Variants in NBAS observed in about 807,000 individuals in gnomAD.
NBAS encodes NAG/BC035112 fusion.
Under a neutral mutation model 302.5 loss-of-function variants are expected in NBAS, and 219 were observed. That is an observed-to-expected ratio of 0.72 (90% CI 0.65 to 0.81). The LOEUF (loss-of-function observed/expected upper bound fraction) is 0.81. Among genes scored for constraint, NBAS ranks in the 30% least tolerant of loss-of-function variants. The probability of loss-of-function intolerance (pLI) is 0.00; values close to 1 mark genes in which losing one functional copy is unlikely to be tolerated. For missense variants in NBAS, 2,932 were observed against 2,841.6 expected (o/e 1.03, Z -0.72); for synonymous variants, 1,118 against 1,021.6 (o/e 1.09, Z -1.80).
At chr2:15,190,604 C>G (rs1223338621) in intron 48 of NBAS, among the ~76,000 whole-genome samples, 1 of 152,198 alleles carries the variant, frequency 6.6e-6, no homozygotes, top group Non-Finnish European at 1.5e-5. Context: ...GAACTACAAT[C>G]AGAGGAAGGT....
At chr2:15,536,699 T>A (rs1663536703) in intron 7 of NBAS, 148 bp from the exon 8 acceptor site, 2 of 794,380 alleles carry the variant, frequency 2.5e-6, no homozygotes, top group South Asian at 1.8e-5. Context: ...TCAAGAATCA[T>A]GCAAGTCAGA....
At position 15,401,760 on chromosome 2, in the gene NBAS, G is replaced by A. The variant is rs987353474; in HGVS notation, c.3071+408C>T. ...TAGGTACATTCACTACTTAAAAGAA[G>A]TACTATAGGCAAAGGCCAAGAAGAA... On this transcript the variant is annotated intron_variant, in intron 26 of 51. Transcript: ENST00000281513. Among the ~76,000 whole-genome samples, 5 of 152,014 alleles carry A rather than the reference G, an allele frequency of 3.3e-5. No homozygotes were observed. In the East Asian group the frequency reaches 9.6e-4, roughly 29 times the overall value.
At chr2:15,277,482 C>T (rs1255850562) in intron 42 of NBAS, among the ~76,000 whole-genome samples, 3 of 152,234 alleles carry the variant, frequency 2.0e-5, no homozygotes, top group Middle Eastern at 3.4e-3. Context: ...ATCTATACTT[C>T]TTCACAGAAA....
intron 48 of NBAS, among the ~76,000 whole-genome samples, chr2:15,208,363 C>A (rs768894729): frequency 1.3e-5 from 2 of 152,078 alleles, no homozygotes; most frequent in Non-Finnish European, 2.9e-5. Context: ...TGGGTCCCTC[C>A]CACAACATGT....
At chr2:15,153,367 C>T in the NBAS span, among the ~76,000 whole-genome samples, 4 of 152,312 alleles carry the variant, frequency 2.6e-5, no homozygotes, top group East Asian at 7.7e-4. Context: ...CCTGAGAAGG[C>T]TATTTGTGGA....
chr2:14,968,191 T>C, the NBAS span, among the ~76,000 whole-genome samples: 1 of 152,174 alleles, frequency 6.6e-6, no homozygotes, highest in Non-Finnish European at 1.5e-5. Context: ...AATCCAAATT[T>C]TGGGTAAGGG....
intron 9 of NBAS, among the ~76,000 whole-genome samples, chr2:15,522,978 T>A (rs944327753): frequency 6.6e-6 from 1 of 152,232 alleles, no homozygotes; most frequent in Non-Finnish European, 1.5e-5. Context: ...CAATACTGTA[T>A]GTTTACATAG....
chr2:14,931,206 G>A, the NBAS span, among the ~76,000 whole-genome samples: 1 of 152,264 alleles, frequency 6.6e-6, no homozygotes, highest in Non-Finnish European at 1.5e-5. Flanking sequence ...AATCCTGGAA[G>A]ATGCCAGCAG....
chr2:15,314,467 T>C (rs58502996), intron 38 of NBAS, among the ~76,000 whole-genome samples: 35,694 of 152,064 alleles, frequency 0.23, 4,549 homozygotes, highest in Middle Eastern at 0.39. Context: ...AAAGAATGAA[T>C]GGTATTGGTG....
chr2:15,503,785 G>A (rs1661699755), intron 11 of NBAS, among the ~76,000 whole-genome samples: 1 of 152,068 alleles, frequency 6.6e-6, no homozygotes, highest in African/African-American at 2.4e-5. Context: ...GCCAAAAAAT[G>A]ATATATTATG....
At chr2:15,058,391 C>T in the NBAS span, among the ~76,000 whole-genome samples, 4 of 152,288 alleles carry the variant, frequency 2.6e-5, no homozygotes, top group African/African-American at 9.6e-5. Flanking sequence ...GTCAACAGTG[C>T]AAAGGTTAAG....
In NBAS at chr2:15,561,309, G is replaced by A. The variant is rs376145177; in HGVS notation, c.-5C>T. On this transcript the variant is annotated 5_prime_UTR_variant, in exon 1 of 52. Transcript: ENST00000281513. ...CCCTGACTCGGGGGCCGCCATGTTC[G>A]CCGAGGACTCAGGCAGCGGAGGAGT... 1.8e-5 allele frequency: 29 copies of A among 1,611,528 alleles called. No individual in the cohort carries two copies. The highest frequency in any genetic ancestry group is 1.3e-4 in the African/African-American group (10 of 74,996).
At chr2:15,169,854 T>C (rs1447983833) in intron 51 of NBAS, among the ~76,000 whole-genome samples, 8 of 152,256 alleles carry the variant, frequency 5.3e-5, no homozygotes, top group Non-Finnish European at 1.0e-4. Flanking sequence ...GCCACGTGCA[T>C]GCACATGCTA....
At chr2:15,372,104 T>G (rs1396207654) in intron 31 of NBAS, among the ~76,000 whole-genome samples, 1 of 152,138 alleles carries the variant, frequency 6.6e-6, no homozygotes, top group East Asian at 1.9e-4. Flanking sequence ...GTGGCAGAAG[T>G]AGCTCCAGGC....
chr2:15,248,874 C>A (rs530077337), intron 44 of NBAS, among the ~76,000 whole-genome samples: 1 of 152,088 alleles, frequency 6.6e-6, no homozygotes, highest in Non-Finnish European at 1.5e-5. Context: ...CCGAAATCTA[C>A]CAGAGATACA....
At chr2:15,546,772 T>C (rs1664138660) in intron 6 of NBAS, among the ~76,000 whole-genome samples, 1 of 152,174 alleles carries the variant, frequency 6.6e-6, no homozygotes, top group Non-Finnish European at 1.5e-5. Context: ...AAATAGTCTA[T>C]CCTTCCCAAC....
intron 44 of NBAS, among the ~76,000 whole-genome samples, chr2:15,269,171 C>G (rs1669206101): frequency 6.6e-6 from 1 of 152,080 alleles, no homozygotes; most frequent in African/African-American, 2.4e-5. Context: ...CTGAGAGGAA[C>G]ACGGGGCTTC....
At chr2:14,814,194 T>C in the NBAS span, among the ~76,000 whole-genome samples, 4 of 152,144 alleles carry the variant, frequency 2.6e-5, no homozygotes, top group African/African-American at 9.7e-5. Context: ...AGGGAAAATA[T>C]GGAGTTGGAG....
chr2:15,117,261 C>A, the NBAS span, among the ~76,000 whole-genome samples: 1 of 152,318 alleles, frequency 6.6e-6, no homozygotes, highest in East Asian at 1.9e-4. Flanking sequence ...GCACCCAAAG[C>A]CAGGCTGAAC....
Sources: gnomAD v4.1 joint callset for allele counts (sites outside exome capture counted in the v4.1 genomes callset) on GRCh38, gnomAD v4.1.1 for gene constraint, MANE v1.5 for transcripts, NCBI Gene and HGNC (gene_info 2026-07-23, HGNC 2026-07-21) for gene names.